SLC40A1: variants seen among roughly 807,000 people sequenced by gnomAD.
SLC40A1 encodes the protein ferroportin.
SLC40A1 carries 16 observed loss-of-function variants against 53.5 expected under a neutral mutation model. The observed-to-expected ratio is 0.30, with a 90% CI of 0.20 to 0.45. The LOEUF (loss-of-function observed/expected upper bound fraction) is 0.45, where lower values mean the gene tolerates loss of function less well. Ranked by LOEUF, SLC40A1 falls within the 20% of genes least tolerant of loss-of-function variation. The pLI is 1.00. For synonymous variants in SLC40A1, 247 were observed against 253.2 expected, an observed-to-expected ratio of 0.98 and a Z score of 0.23; for missense variants, 545 against 695.4, an observed-to-expected ratio of 0.78 and a Z score of 2.43.
chr2:189,564,623 G>T (rs983648155), intron 6 of SLC40A1, among the ~76,000 whole-genome samples: 1 of 152,034 alleles, frequency 6.6e-6, no homozygotes, highest in Non-Finnish European at 1.5e-5. Flanking sequence ...GGCAGATCAC[G>T]AGGTCAGGAG....
intron 4 of SLC40A1, among the ~76,000 whole-genome samples, chr2:189,572,346 C>T (rs1188761282): frequency 6.6e-6 from 1 of 152,160 alleles, no homozygotes; most frequent in Non-Finnish European, 1.5e-5. Context: ...TATCAATCCA[C>T]ATATACACAA....
At chr2:189,569,845 AAGAC>A (rs1451396114) in intron 5 of SLC40A1, among the ~76,000 whole-genome samples, 20 of 152,148 alleles carry the variant, frequency 1.3e-4, no homozygotes, top group Admixed American at 1.0e-3. Context: ...TCATAATATA[AAGAC>A]AGACAGCTGA....
chr2:189,572,653 AACAAT>A (rs2031166743), intron 4 of SLC40A1, 188 bp downstream of exon 4: 1 of 609,522 alleles, frequency 1.6e-6, no homozygotes, highest in Non-Finnish European at 2.9e-6. Context: ...TTTAAATTCA[AACAAT>A]ACTTAATGAG....
At chr2:189,571,967 T>C (rs1057407263) in intron 4 of SLC40A1, 126 bp from the exon 5 acceptor site, 1 of 718,280 alleles carries the variant, frequency 1.4e-6, no homozygotes, top group Non-Finnish European at 2.5e-6. Context: ...ATTTCATTTA[T>C]AAGAAATCAT....
intron 7 of SLC40A1, among the ~76,000 whole-genome samples, chr2:189,563,091 A>G (rs1271490238): frequency 6.6e-6 from 1 of 152,036 alleles, no homozygotes; most frequent in Non-Finnish European, 1.5e-5. Flanking sequence ...CTTCGGCAAC[A>G]TGGCAAAACC....
At chr2:189,579,995 G>T in intron 1 of SLC40A1, 115 bp from the exon 2 acceptor site, 1 of 1,018,950 alleles carries the variant, frequency 9.8e-7, no homozygotes, top group South Asian at 1.3e-5. Flanking sequence ...CTACTTTGCA[G>T]GACAAACCAC....
At position 189,580,465 on chromosome 2, in the gene SLC40A1, C is replaced by T; in HGVS notation, c.-5G>A. On this transcript the variant is annotated 5_prime_UTR_variant, in exon 1 of 8. The change creates a new upstream start codon in the 5' untranslated region. Coordinates refer to ENST00000261024, the MANE Select transcript of SLC40A1 (RefSeq NM_014585.6). ...GTGATCTCCCGCCCTGGTCATGACA[C>T]TAGGCGACCCCGCTGGCTCTTCTGC... The T allele has an allele frequency of 1.9e-6, 3 of 1,613,618 alleles. No homozygotes were observed. Among genetic ancestry groups the T allele is most frequent in the Non-Finnish European group, 2.5e-6 (3 of 1,180,020 alleles).
At position 189,565,409 on chromosome 2, in the gene SLC40A1, C is replaced by T; in HGVS notation, c.705G>A (p.Val235=). Residue 235 remains valine (V), a synonymous_variant, in exon 6 of 8, where the codon GTG becomes GTA. Coordinates refer to ENST00000261024, the MANE Select transcript of SLC40A1 (RefSeq NM_014585.6). ...TTTCCTCTTCTTTAAGACCAGCTTT[C>T]ACAGCTAGAGCTGGGGTTTTCTGGT... is the stretch of plus-strand genomic sequence containing the variant. The part of the protein sequence containing the change: ...KVYQKTPALA[V]KAGLKEEETE... 1 of 1,614,218 alleles carries T rather than the reference C, an allele frequency of 6.2e-7. No homozygotes were observed. The highest frequency in any genetic ancestry group is 8.5e-7 in the Non-Finnish European group (1 of 1,180,010).
chr2:189,578,123 T>C (rs772099769), intron 2 of SLC40A1: 5 of 776,362 alleles, frequency 6.4e-6, no homozygotes, highest in Non-Finnish European at 7.8e-6. Context: ...ATATAATACA[T>C]ATACACACAC....
At chr2:189,570,039 TATATAC>T (rs1198021839) in intron 5 of SLC40A1, among the ~76,000 whole-genome samples, 2 of 137,814 alleles carry the variant, frequency 1.5e-5, no homozygotes, top group Non-Finnish European at 3.2e-5. Context: ...TATGTATATA[TATATAC>T]ACACACCTAT....
Position 189,565,347 on chromosome 2 carries a change from A to G in SLC40A1, c.760+7T>C. ...AACAAAAGGAGAGATCATTGTGTTC[A>G]GTTTACCTTTGTGTAAATTCAGCTG... On this transcript the variant is annotated splice_region_variant and intron_variant, in intron 6 of 7. Transcript: ENST00000261024. 1.2e-6 allele frequency: 2 copies of G among 1,614,218 alleles called. No homozygotes were observed. The highest frequency in any genetic ancestry group is 1.3e-5 in the African/African-American group (1 of 75,076).
intron 6 of SLC40A1, among the ~76,000 whole-genome samples, chr2:189,564,453 T>C (rs1439061750): frequency 6.6e-6 from 1 of 151,866 alleles, no homozygotes; most frequent in Non-Finnish European, 1.5e-5. Flanking sequence ...TCCCTCTTTT[T>C]TTTCTCTCTC....
intron 2 of SLC40A1, chr2:189,578,435 C>T (rs149414778): frequency 8.2e-5 from 76 of 925,834 alleles, no homozygotes; most frequent in African/African-American, 5.2e-4. Flanking sequence ...GGAACAACCA[C>T]GGTGCCACTG....
At chr2:189,577,792 T>C (rs1191652984) in intron 2 of SLC40A1, among the ~76,000 whole-genome samples, 6 of 151,974 alleles carry the variant, frequency 3.9e-5, no homozygotes, top group Non-Finnish European at 8.8e-5. Flanking sequence ...TTTTAAATTT[T>C]TTTTTGCAGA....
chr2:189,572,779 C>T (rs898817651), intron 4 of SLC40A1, 67 bp downstream of exon 4: 2 of 1,151,436 alleles, frequency 1.7e-6, no homozygotes, highest in Non-Finnish European at 2.6e-6. Flanking sequence ...AGCTTCAAAG[C>T]ATTTTCATCC....
chr2:189,561,721 C>T lies in SLC40A1; in HGVS notation c.*157G>A. On this transcript the variant is annotated 3_prime_UTR_variant, in exon 8 of 8. Coordinates refer to ENST00000261024, the MANE Select transcript of SLC40A1 (RefSeq NM_014585.6). ...ATAAGGGAAATTAATCAGTTAATTT[C>T]TGCTGACTTAGGTTTCCTAAACAGC... 2 of 654,146 alleles carry T rather than the reference C, an allele frequency of 3.1e-6. No individual in the cohort carries two copies. The highest frequency in any genetic ancestry group is 5.3e-6 in the Non-Finnish European group (2 of 379,580). The allele number at this position is 654,146 out of a possible 1,614,324, so 40.5% of individuals were successfully genotyped here. A position where few individuals can be genotyped will look rare whatever the true frequency, so the allele number is the denominator to read the frequency against.
intron 5 of SLC40A1, among the ~76,000 whole-genome samples, chr2:189,570,335 A>G (rs2105626742): frequency 6.6e-6 from 1 of 152,260 alleles, no homozygotes; most frequent in Non-Finnish European, 1.5e-5. Context: ...CAACAAATAT[A>G]TGTGTGATCT....
Position 189,564,074 on chromosome 2 carries a change from G to C in SLC40A1, c.912C>G (p.Asn304Lys). 6 of 1,611,906 alleles carry C rather than the reference G, an allele frequency of 3.7e-6. No individual in the cohort carries two copies. Among genetic ancestry groups the C allele is most frequent in the Non-Finnish European group, 5.1e-6 (6 of 1,178,416 alleles). ...TFRDGWVSYY[N>K]QPVFLAGMGL... is the part of the protein sequence containing the mutation. ...CCATGCCAGCCAGAAACACAGGCTGGTTGTAGTAGGAGACCCATCCATCTC... is the reference window on the plus strand; with the variant it reads ...CCATGCCAGCCAGAAACACAGGCTGCTTGTAGTAGGAGACCCATCCATCTC... The change falls in exon 7 of 8, where the codon AAC becomes AAG. Residue 304 changes from asparagine to lysine, a missense_variant. This residue lies in a region of SLC40A1 where 107 missense variants were observed against 91.0 expected (regional missense o/e 1.18). Transcript: ENST00000261024.
Position 189,562,009 on chromosome 2 carries a change from A to G in SLC40A1, c.1585T>C (p.Ser529Pro). The change falls in exon 8 of 8, where the codon TCC becomes CCC. Residue 529 changes from serine (S) to proline (P), a missense_variant. By Grantham distance (74) the Ser-to-Pro change is moderately conservative. This residue lies in a region of SLC40A1 where 234 missense variants were observed against 299.0 expected (regional missense o/e 0.78). Transcript: ENST00000261024. ...ATAATGTGGCCCATTGCCACAAAGG[A>G]GACTGAAATCAATACGAGCAAGCCA... ...AFGLLVLISV[S>P]FVAMGHIMYF... 1 of 1,614,166 alleles carries G rather than the reference A, an allele frequency of 6.2e-7. No individual in the cohort carries two copies. The highest frequency in any genetic ancestry group is 8.5e-7 in the Non-Finnish European group (1 of 1,180,000).
Sources: allele counts gnomAD v4.1 joint callset (sites outside exome capture counted in the v4.1 genomes callset), GRCh38; gene constraint gnomAD v4.1.1; regional missense constraint gnomAD v4.1.1; transcripts MANE v1.5; gene names NCBI Gene and HGNC (gene_info 2026-07-23, HGNC 2026-07-21).